Variants in SPATS2L observed in about 807,000 individuals in gnomAD.
The protein encoded by SPATS2L is SPATS2-like protein.
In SPATS2L, 30 loss-of-function variants were observed where a neutral mutation model predicts 59.6. The observed-to-expected ratio is 0.50, with a 90% CI of 0.38 to 0.68. SPATS2L has a LOEUF of 0.68. SPATS2L is among the 30% of genes least tolerant of loss of function. SPATS2L has a pLI of 0.00. For synonymous variants in SPATS2L, 252 were observed against 263.5 expected (o/e 0.96, Z 0.42); for missense variants, 615 against 700.0 (o/e 0.88, Z 1.37).
intron 8 of SPATS2L, among the ~76,000 whole-genome samples, chr2:200,457,832 C>T (rs1386218454): frequency 6.6e-6 from 1 of 152,188 alleles, no homozygotes; most frequent in African/African-American, 2.4e-5. Context: ...TGGATATATT[C>T]CAGAAGTCAC....
chr2:200,315,445 C>G (rs1212683304), intron 1 of SPATS2L, among the ~76,000 whole-genome samples: 3 of 152,080 alleles, frequency 2.0e-5, no homozygotes, highest in Non-Finnish European at 4.4e-5. Flanking sequence ...ATCACATTCC[C>G]TGGAAGCCTC....
intron 5 of SPATS2L, among the ~76,000 whole-genome samples, chr2:200,417,633 G>A (rs2083121339): frequency 6.6e-6 from 1 of 152,192 alleles, no homozygotes; most frequent in African/African-American, 2.4e-5. Flanking sequence ...AGGCTTGAGA[G>A]CCAGAAGCTG....
At chr2:200,397,415 C>G (rs1336543226) in intron 3 of SPATS2L, among the ~76,000 whole-genome samples, 1 of 152,132 alleles carries the variant, frequency 6.6e-6, no homozygotes, top group Non-Finnish European at 1.5e-5. Flanking sequence ...AAGGCTGTAA[C>G]AATGGTTCCT....
intron 8 of SPATS2L, among the ~76,000 whole-genome samples, chr2:200,441,192 A>G (rs2084672234): frequency 6.6e-6 from 1 of 152,204 alleles, no homozygotes; most frequent in Non-Finnish European, 1.5e-5. Context: ...ATTCAGAAAC[A>G]TCTCACATAA....
At chr2:200,363,092 C>T (rs1440953028) in intron 2 of SPATS2L, among the ~76,000 whole-genome samples, 1 of 152,010 alleles carries the variant, frequency 6.6e-6, no homozygotes, top group Non-Finnish European at 1.5e-5. Context: ...TTCTATTAGT[C>T]TCAGTTATTG....
chr2:200,315,417 A>G (rs2079337536), intron 1 of SPATS2L, among the ~76,000 whole-genome samples: 1 of 152,130 alleles, frequency 6.6e-6, no homozygotes, highest in East Asian at 1.9e-4. Flanking sequence ...CAGGAGGAAC[A>G]AGGGAAGGGA....
chr2:200,336,658 A>G (rs1294024514), intron 2 of SPATS2L, among the ~76,000 whole-genome samples: 1 of 152,218 alleles, frequency 6.6e-6, no homozygotes, highest in African/African-American at 2.4e-5. Context: ...TGTATCCGAT[A>G]CATAACATTT....
At chr2:200,347,388 A>G (rs1259954325) in intron 2 of SPATS2L, among the ~76,000 whole-genome samples, 1 of 152,166 alleles carries the variant, frequency 6.6e-6, no homozygotes, top group Non-Finnish European at 1.5e-5. Context: ...TTGACTCTGC[A>G]TCTTCTGGCT....
Position 200,437,360 on chromosome 2 carries a change from G to C in SPATS2L, c.446-1762G>C, listed in dbSNP as rs890232959. Among the ~76,000 whole-genome samples, 6 of 152,128 alleles carry C rather than the reference G, an allele frequency of 3.9e-5. No homozygotes were observed. The East Asian group carries it at 9.6e-4, about 24-fold the overall frequency. ...AAAATTAGTTTTTTAATCTTTTACA[G>C]TAGGGTTTCTCTGGGTGGCTGGTAC... On this transcript the variant is annotated intron_variant, in intron 6 of 12. Coordinates refer to ENST00000409140, the MANE Select transcript of SPATS2L (RefSeq NM_001100423.2).
At chr2:200,312,865 A>G (rs2079239249) in intron 1 of SPATS2L, among the ~76,000 whole-genome samples, 1 of 152,224 alleles carries the variant, frequency 6.6e-6, no homozygotes, top group Admixed American at 6.5e-5. Context: ...GCAAAGTACT[A>G]GTTCATTATC....
At chr2:200,421,526 T>G (rs918010777) in intron 6 of SPATS2L, among the ~76,000 whole-genome samples, 1 of 152,210 alleles carries the variant, frequency 6.6e-6, no homozygotes, top group Non-Finnish European at 1.5e-5. Flanking sequence ...ACTGGCACAC[T>G]CTGTAATACA....
chr2:200,429,159 T>A (rs2083755236), intron 6 of SPATS2L, among the ~76,000 whole-genome samples: 1 of 152,182 alleles, frequency 6.6e-6, no homozygotes, highest in African/African-American at 2.4e-5. Context: ...GGTCTCTGTT[T>A]GGGCCCTCAT....
At position 200,306,873 on chromosome 2, in the gene SPATS2L, C is replaced by G. The variant is rs1229561874; in HGVS notation, c.-122C>G. 1.0e-6 allele frequency: 1 copy of G among 981,120 alleles called. No individual in the cohort carries two copies. The highest frequency in any genetic ancestry group is 1.2e-6 in the Non-Finnish European group (1 of 828,328). 60.8% of individuals were successfully genotyped at this position (981,120 alleles called of 1,614,324 possible). On this transcript the variant is annotated 5_prime_UTR_variant, in exon 1 of 13. Transcript: ENST00000409140. Reference sequence around the variant, plus strand: ...GGCGCCTCCCCTGGCGACCGCGCCCCCGGGCCCCGGCTCCGGCCCGGGACG... The same window carrying G: ...GGCGCCTCCCCTGGCGACCGCGCCCGCGGGCCCCGGCTCCGGCCCGGGACG...
chr2:200,473,166 C>T (rs973041163), intron 12 of SPATS2L, 114 bp downstream of exon 12: 5 of 1,019,082 alleles, frequency 4.9e-6, no homozygotes, highest in South Asian at 3.4e-5. Context: ...CTCAGGCTCC[C>T]GCCACCTGCC....
At chr2:200,454,765 G>A (rs1054419852) in intron 8 of SPATS2L, among the ~76,000 whole-genome samples, 6 of 152,184 alleles carry the variant, frequency 3.9e-5, no homozygotes, top group Non-Finnish European at 8.8e-5. Context: ...GGATTTTACG[G>A]GAACTCTGTT....
rs75588144 is a variant in SPATS2L, at chr2:200,439,580, G to T, written c.652+252G>T. 1.4e-3 allele frequency among the ~76,000 whole-genome samples: 219 copies of T among 152,228 alleles called. 2 individuals carry two copies. Among genetic ancestry groups the T allele is most frequent in the African/African-American group, 5.1e-3 (211 of 41,528 alleles). On this transcript the variant is annotated intron_variant, in intron 7 of 12. Transcript: ENST00000409140. ...TGAGACCATTCTTGTTGTAGGCATG[G>T]ATAAACTTACACCACAAGTACCTTC...
At chr2:200,307,750 G>A (rs2079074412) in intron 1 of SPATS2L, among the ~76,000 whole-genome samples, 1 of 152,248 alleles carries the variant, frequency 6.6e-6, no homozygotes, top group South Asian at 2.1e-4. Context: ...CTTCGCGAGT[G>A]GAGGTTTCGT....
rs572191684 is a variant in SPATS2L at position 200,480,114 on chromosome 2, A to C, written c.*2083A>C. 5.7e-6 allele frequency: 1 copy of C among 175,698 alleles called. No individual in the cohort carries two copies. The highest frequency in any genetic ancestry group is 2.0e-4 in the South Asian group (1 of 5,042). 10.9% of individuals were successfully genotyped at this position (175,698 alleles called of 1,614,324 possible). A position where few individuals can be genotyped will look rare whatever the true frequency, so the allele number is the denominator to read the frequency against. On this transcript the variant is annotated 3_prime_UTR_variant, in exon 13 of 13. Coordinates refer to ENST00000409140, the MANE Select transcript of SPATS2L (RefSeq NM_001100423.2). ...ATGTGACCGCTTTAAAGATGAGTCAAGTAATTCTTGGAACAGGGAAAAAAA... is the reference window on the plus strand; with the variant it reads ...ATGTGACCGCTTTAAAGATGAGTCACGTAATTCTTGGAACAGGGAAAAAAA...
At chr2:200,384,535 G>A (rs2081929649) in intron 2 of SPATS2L, among the ~76,000 whole-genome samples, 1 of 152,124 alleles carries the variant, frequency 6.6e-6, no homozygotes, top group African/African-American at 2.4e-5. Context: ...TGTATTTTTA[G>A]TAGAGACAGG....
Sources: allele counts gnomAD v4.1 joint callset (sites outside exome capture counted in the v4.1 genomes callset), GRCh38; gene constraint gnomAD v4.1.1; transcripts MANE v1.5; gene names NCBI Gene and HGNC (gene_info 2026-07-23, HGNC 2026-07-21).